The following TRIP10 variants were observed in gnomAD, a reference collection of about 807,000 sequenced individuals.
TRIP10 encodes the protein thyroid hormone receptor interactor 10.
Under a neutral mutation model 80.9 loss-of-function variants are expected in TRIP10, and 54 were observed. The observed-to-expected ratio is 0.67, with a 90% confidence interval of 0.54 to 0.84. The LOEUF (loss-of-function observed/expected upper bound fraction) is 0.84. TRIP10 is among the 40% of genes least tolerant of loss of function. The pLI is 0.00. For synonymous variants in TRIP10, 321 were observed against 307.2 expected, an observed-to-expected ratio of 1.04 and a Z score of -0.47; for missense variants, 773 against 815.3, an observed-to-expected ratio of 0.95 and a Z score of 0.63.
intron 1 of TRIP10, chr19:6,740,765 A>T: frequency 1.9e-6 from 1 of 518,692 alleles, no homozygotes. Context: ...TATGTCGGAG[A>T]CCTCCATCTC....
rs193256277 is a variant in TRIP10, at chr19:6,747,003, G to A, written c.1262+442G>A. ...TCCCCAATAATCCCAAGGCCCCGAC[G>A]GTTTTACAGGTGATTCCTACCACAC... On this transcript the variant is annotated intron_variant, in intron 11 of 14. Transcript: ENST00000313244. Among the ~76,000 whole-genome samples the A allele has an allele frequency of 2.6e-4, 39 of 152,240 alleles. 1 individual carries two copies. Among genetic ancestry groups the A allele is most frequent in the East Asian group, 2.3e-3 (12 of 5,190 alleles).
chr19:6,749,970 G>A lies in TRIP10; in HGVS notation c.1299G>A (p.Lys433=). ...ALKKMKDVYE[K]TPQMGDPASL... ...AGAAAATGAAGGATGTCTATGAGAA[G>A]ACACCTCAGATGGGGGACCCCGCCA... The change falls in exon 12 of 15, where the codon AAG becomes AAA. Residue 433 remains lysine, a synonymous_variant. Coordinates refer to ENST00000313244, the MANE Select transcript of TRIP10 (RefSeq NM_001288962.2). 1 of 1,614,046 alleles carries A rather than the reference G, an allele frequency of 6.2e-7. No homozygotes were observed. The highest frequency in any genetic ancestry group is 2.2e-5 in the East Asian group (1 of 44,900).
chr19:6,744,811 C>T lies in TRIP10; in HGVS notation c.801C>T (p.Val267=). ...TCCCCCTCCCCCAGGACTCCCACGT[C>T]CTTATAGAGCTGCACAAGTCAGGTT... ...NAVDPKNDSH[V]LIELHKSGFA... is the part of the protein sequence containing the mutation. Residue 267 remains valine (V), a synonymous_variant, in exon 9 of 15, where the codon GTC becomes GTT. Coordinates refer to ENST00000313244, the MANE Select transcript of TRIP10 (RefSeq NM_001288962.2). The surrounding 1 kb of genome is among the most constrained non-coding windows in gnomAD (Gnocchi z 4.9). 1.9e-6 allele frequency: 3 copies of T among 1,613,596 alleles called. No individual in the cohort carries two copies. The highest frequency in any genetic ancestry group is 2.5e-6 in the Non-Finnish European group (3 of 1,179,680).
In TRIP10 at chr19:6,743,761, A is replaced by G; in HGVS notation, c.567A>G (p.Glu189=). 3.1e-6 allele frequency: 5 copies of G among 1,614,102 alleles called. No individual in the cohort carries two copies. The highest frequency in any genetic ancestry group is 4.2e-6 in the Non-Finnish European group (5 of 1,180,010). ...ACATGGCCGAAGAAAGCAAAAACGA[A>G]TATGCGGCTCAACTGCAGCGCTTCA... ...RSHMAEESKN[E]YAAQLQRFNR... The change falls in exon 7 of 15, where the codon GAA becomes GAG. Residue 189 remains glutamate, a synonymous_variant. Transcript: ENST00000313244.
Position 6,745,142 on chromosome 19 carries a change from A to AAGGC in TRIP10, c.984+149_984+152dup. The AAGGC allele has an allele frequency of 8.8e-7, 1 of 1,140,986 alleles. No homozygotes were observed. Among genetic ancestry groups the AAGGC allele is most frequent in the Non-Finnish European group, 1.2e-6 (1 of 852,704 alleles). 70.7% of individuals were successfully genotyped at this position (1,140,986 alleles called of 1,614,324 possible). A position where few individuals can be genotyped will look rare whatever the true frequency, so the allele number is the denominator to read the frequency against. ...CTGCCAGCCCGGACTGGAGGGAAGG[A>AAGGC]AGGCGGCCGATTGGCCTGGGAGTCC... On this transcript the variant is annotated intron_variant, in intron 9 of 14. Transcript: ENST00000313244. The surrounding 1 kb of genome is among the most constrained non-coding windows in gnomAD (Gnocchi z 7.2).
chr19:6,751,089 G>A lies in TRIP10; in HGVS notation c.1684G>A (p.Ala562Thr). Residue 562 changes from alanine to threonine, a missense_variant, in exon 15 of 15, where the codon GCC becomes ACC. Physicochemically the swap from Ala to Thr is moderately conservative, Grantham distance 58. Coordinates refer to ENST00000313244, the MANE Select transcript of TRIP10 (RefSeq NM_001288962.2). ...EGSSEGTISM[A>T]EGEDLSLMEE... ...GTCCAGCGAGGGCACTATCTCTATG[G>A]CCGAGGGTGAAGACCTCAGTCTTAT... The A allele has an allele frequency of 1.9e-6, 3 of 1,603,984 alleles. No homozygotes were observed. The highest frequency in any genetic ancestry group is 2.6e-6 in the Non-Finnish European group (3 of 1,173,830).
chr19:6,751,291 T>A lies in TRIP10; in HGVS notation c.*80T>A, dbSNP rs1364205429. 1 of 1,601,630 alleles carries A rather than the reference T, an allele frequency of 6.2e-7. No individual in the cohort carries two copies. The highest frequency in any genetic ancestry group is 1.7e-5 in the Admixed American group (1 of 59,204). The stretch of plus-strand genomic sequence containing the variant: ...GGAGCCCCAGGACCTATGCACTTTA[T>A]TTCTGACCCCGTGGCTTCGGCTGAG... On this transcript the variant is annotated 3_prime_UTR_variant, in exon 15 of 15. Coordinates refer to ENST00000313244, the MANE Select transcript of TRIP10 (RefSeq NM_001288962.2).
intron 3 of TRIP10, among the ~76,000 whole-genome samples, chr19:6,741,649 C>T (rs1286138919): frequency 6.6e-6 from 1 of 152,072 alleles, no homozygotes; most frequent in Non-Finnish European, 1.5e-5. Context: ...TTCATGAACA[C>T]GAGCTGAGTG....
chr19:6,746,386 G>A lies in TRIP10; in HGVS notation c.1153-66G>A. The A allele has an allele frequency of 6.3e-7, 1 of 1,588,290 alleles. No homozygotes were observed. Among genetic ancestry groups the A allele is most frequent in the Non-Finnish European group, 8.6e-7 (1 of 1,160,666 alleles). On this transcript the variant is annotated intron_variant, in intron 10 of 14. Coordinates refer to ENST00000313244, the MANE Select transcript of TRIP10 (RefSeq NM_001288962.2). The surrounding 1 kb of genome is among the most constrained non-coding windows in gnomAD (Gnocchi z 6.2). ...CTGGGGAAGGGAGTGAAATATCTCAGACGGGTGCAGAGTCTGGCAGGCTAG... is the reference window on the plus strand; with the variant it reads ...CTGGGGAAGGGAGTGAAATATCTCAAACGGGTGCAGAGTCTGGCAGGCTAG...
In TRIP10 at chr19:6,745,634, G is replaced by A; in HGVS notation, c.985-395G>A. ...CCTTGATTCCTGCATGCGTCTTCTAGACTGTCAGCCCAGAAAGCTAAGTGG... is the reference window on the plus strand; with the variant it reads ...CCTTGATTCCTGCATGCGTCTTCTAAACTGTCAGCCCAGAAAGCTAAGTGG... On this transcript the variant is annotated intron_variant, in intron 9 of 14. Transcript: ENST00000313244. This position sits in a 1 kb window ranked among gnomAD's most constrained non-coding sequence, Gnocchi z 7.2. 1.0e-6 allele frequency: 1 copy of A among 985,038 alleles called. No individual in the cohort carries two copies. The highest frequency in any genetic ancestry group is 1.2e-6 in the Non-Finnish European group (1 of 829,868). 61.0% of individuals were successfully genotyped at this position (985,038 alleles called of 1,614,324 possible).
chr19:6,744,547 C>G lies in TRIP10; in HGVS notation c.643-7C>G. 6.2e-7 allele frequency: 1 copy of G among 1,613,974 alleles called. No homozygotes were observed. Among genetic ancestry groups the G allele is most frequent in the Non-Finnish European group, 8.5e-7 (1 of 1,179,994 alleles). ...CCCCTGAGCCACCCTTGTCCCTGTC[C>G]TTACAGAAGCTCCAAGACATGGATG... On this transcript the variant is annotated splice_polypyrimidine_tract_variant and splice_region_variant and intron_variant, in intron 7 of 14. Transcript: ENST00000313244. This position sits in a 1 kb window ranked among gnomAD's most constrained non-coding sequence, Gnocchi z 4.9.
chr19:6,745,906 CTTTTTTT>C lies in TRIP10; in HGVS notation c.985-122_985-116del. ...TTCTCCATTTTGTTTTTCCTTTTTCCTTTTTTTGCGTCCATCCGTCCATCCGTGCGTC... is the reference window on the plus strand; with the variant it reads ...TTCTCCATTTTGTTTTTCCTTTTTCCGCGTCCATCCGTCCATCCGTGCGTC... On this transcript the variant is annotated intron_variant, in intron 9 of 14. Transcript: ENST00000313244. The surrounding 1 kb of genome is among the most constrained non-coding windows in gnomAD (Gnocchi z 7.2). 1 of 1,258,182 alleles carries C rather than the reference CTTTTTTT, an allele frequency of 7.9e-7. No homozygotes were observed. Among genetic ancestry groups the C allele is most frequent in the Non-Finnish European group, 1.0e-6 (1 of 999,600 alleles). 77.9% of individuals were successfully genotyped at this position (1,258,182 alleles called of 1,614,324 possible).
Position 6,743,941 on chromosome 19 carries a change from T to C in TRIP10, c.642+105T>C, listed in dbSNP as rs185645648. 300 of 1,437,124 alleles carry C rather than the reference T, an allele frequency of 2.1e-4. 1 individual carries two copies. The Admixed American group carries it at 6.2e-3, about 29-fold the overall frequency. The allele number at this position is 1,437,124 out of a possible 1,614,324, so 89.0% of individuals were successfully genotyped here. On this transcript the variant is annotated intron_variant, in intron 7 of 14. Transcript: ENST00000313244. ...CAGCTGCAATGTCCCAGTCCCTAGA[T>C]TGAAAGGGAATCAGAAACCTATAGT...
rs1388178704 is a variant in TRIP10 at position 6,744,122 on chromosome 19, T to C, written c.642+286T>C. The stretch of plus-strand genomic sequence containing the variant: ...AGCTCACTGCAGCCTGGAACCCCTG[T>C]GCTCAAGTGACCTTTCTTTCTTTTT... On this transcript the variant is annotated intron_variant, in intron 7 of 14. Coordinates refer to ENST00000313244, the MANE Select transcript of TRIP10 (RefSeq NM_001288962.2). This position sits in a 1 kb window ranked among gnomAD's most constrained non-coding sequence, Gnocchi z 4.9. 2.0e-5 allele frequency among the ~76,000 whole-genome samples: 3 copies of C among 152,192 alleles called. No homozygotes were observed. Among genetic ancestry groups the C allele is most frequent in the South Asian group, 2.1e-4 (1 of 4,832 alleles).
chr19:6,746,044 C>A lies in TRIP10; in HGVS notation c.1000C>A (p.Leu334Ile). Residue 334 changes from leucine to isoleucine, a missense_variant, in exon 10 of 15, where the codon CTC becomes ATC. Leu to Ile is a conservative substitution (Grantham distance 5). Coordinates refer to ENST00000313244, the MANE Select transcript of TRIP10 (RefSeq NM_001288962.2). This position sits in a 1 kb window ranked among gnomAD's most constrained non-coding sequence, Gnocchi z 6.2. The stretch of plus-strand genomic sequence containing the variant: ...CCGCCGGTAGCCTCGCCCCCCACCC[C>A]TCTCCCCCCTGGGGGGCCCCGTACC... The part of the protein sequence containing the change: ...GKKNKPRPPP[L>I]SPLGGPVPSA... 1 of 1,309,852 alleles carries A rather than the reference C, an allele frequency of 7.6e-7. No homozygotes were observed. Among genetic ancestry groups the A allele is most frequent in the Non-Finnish European group, 1.0e-6 (1 of 988,104 alleles). The allele number at this position is 1,309,852 out of a possible 1,614,324, so 81.1% of individuals were successfully genotyped here. A position where few individuals can be genotyped will look rare whatever the true frequency, so the allele number is the denominator to read the frequency against.
At chr19:6,742,581 G>T (rs562691684) in intron 3 of TRIP10, among the ~76,000 whole-genome samples, 2 of 152,142 alleles carry the variant, frequency 1.3e-5, no homozygotes, top group Admixed American at 6.5e-5. Context: ...GAGGCGGGAA[G>T]ATGCGGAGTT....
chr19:6,751,223 G>C lies in TRIP10; in HGVS notation c.*12G>C, dbSNP rs747027788. 1.2e-6 allele frequency: 2 copies of C among 1,613,820 alleles called. No individual in the cohort carries two copies. Among genetic ancestry groups the C allele is most frequent in the African/African-American group, 1.3e-5 (1 of 75,028 alleles). On this transcript the variant is annotated 3_prime_UTR_variant, in exon 15 of 15. Coordinates refer to ENST00000313244, the MANE Select transcript of TRIP10 (RefSeq NM_001288962.2). ...TCACGCTCAATTGAACCCTGCCAGA[G>C]ACGGGAAGAGGGGGGCTGTCGGCTG... is the stretch of plus-strand genomic sequence containing the variant.
chr19:6,742,896 C>T (rs926908917), intron 3 of TRIP10, 71 bp from the exon 4 acceptor site: 250 of 1,561,752 alleles, frequency 1.6e-4, no homozygotes, highest in Non-Finnish European at 1.9e-4. Flanking sequence ...CCTGGAGGTG[C>T]GTCCTGGGGC....
At chr19:6,743,624 G>GTGCGGGGTCTGGGACAAGC (rs751330853) in intron 6 of TRIP10, 26 bp downstream of exon 6, 1 of 1,322,918 alleles carries the variant, frequency 7.6e-7, no homozygotes, top group South Asian at 1.2e-5. Context: ...GCGGGGGGGG[G>GTGCGGGGTCTGGGACAAGC]GTGCGGGGTC....
Sources: gnomAD v4.1 joint callset for allele counts (sites outside exome capture counted in the v4.1 genomes callset) on GRCh38, gnomAD v4.1.1 for gene constraint, Gnocchi (gnomAD v3.1) non-coding constraint, MANE v1.5 for transcripts, NCBI Gene and HGNC (gene_info 2026-07-23, HGNC 2026-07-21) for gene names.